SAMD8: variants seen among roughly 807,000 people sequenced by gnomAD.
SAMD8 encodes the protein sphingomyelin synthase-related protein 1.
In SAMD8, 20 loss-of-function variants were observed where a neutral mutation model predicts 42.0. That is an observed-to-expected ratio of 0.48 (90% CI 0.34 to 0.69). The LOEUF is 0.69. SAMD8 is among the 30% of genes least tolerant of loss of function. SAMD8 has a pLI of 0.01. For synonymous variants in SAMD8, 162 were observed against 173.0 expected (o/e 0.94, Z 0.50); for missense variants, 328 against 511.6 (o/e 0.64, Z 3.46).
At chr10:75,112,193 C>T (rs1030322570) in intron 1 of SAMD8, among the ~76,000 whole-genome samples, 1 of 152,116 alleles carries the variant, frequency 6.6e-6, no homozygotes, top group Non-Finnish European at 1.5e-5. Context: ...GGGTTCTCCT[C>T]TTACGGAGCC....
chr10:75,177,046 G>A lies in SAMD8; in HGVS notation c.*354G>A, dbSNP rs1279974170. The A allele has an allele frequency of 1.7e-5, 3 of 181,734 alleles. No homozygotes were observed. Among genetic ancestry groups the A allele is most frequent in the African/African-American group, 7.1e-5 (3 of 42,254 alleles). The allele number at this position is 181,734 out of a possible 1,614,324, so 11.3% of individuals were successfully genotyped here. A position where few individuals can be genotyped will look rare whatever the true frequency, so the allele number is the denominator to read the frequency against. On this transcript the variant is annotated 3_prime_UTR_variant, in exon 6 of 6. Coordinates refer to ENST00000542569, the MANE Select transcript of SAMD8 (RefSeq NM_001174156.2). ...GTTGAGGAATTTTCATTGATTTCCA[G>A]TAGGGCTCTAGTCAAGAAATAATAT... is the stretch of plus-strand genomic sequence containing the variant.
intron 3 of SAMD8, 79 bp from the exon 4 acceptor site, chr10:75,168,462 T>A (rs1840745466): frequency 2.5e-6 from 4 of 1,576,796 alleles, no homozygotes; most frequent in East Asian, 2.3e-5. Flanking sequence ...TGCTCTTCCT[T>A]GAAGTAAATA....
At chr10:75,121,575 A>G (rs1245358040) in intron 1 of SAMD8, among the ~76,000 whole-genome samples, 7 of 152,226 alleles carry the variant, frequency 4.6e-5, no homozygotes, top group East Asian at 1.9e-4. Flanking sequence ...TTAATGGGTC[A>G]TGGAACTGGA....
chr10:75,120,920 A>G (rs1490803261), intron 1 of SAMD8, among the ~76,000 whole-genome samples: 1 of 151,486 alleles, frequency 6.6e-6, no homozygotes, highest in African/African-American at 2.4e-5. Context: ...AGCTGGGACT[A>G]CTGTCGTGCA....
chr10:75,165,346 A>G (rs563146074), intron 3 of SAMD8, among the ~76,000 whole-genome samples: 1 of 150,876 alleles, frequency 6.6e-6, no homozygotes, highest in African/African-American at 2.4e-5. Context: ...AGATGGAAGA[A>G]ATTTTCTCTG....
chr10:75,160,458 G>A lies in SAMD8; in HGVS notation c.579-4187G>A, dbSNP rs571740272. Among the ~76,000 whole-genome samples the A allele has an allele frequency of 7.3e-5, 11 of 151,484 alleles. No homozygotes were observed. In the East Asian group the frequency reaches 2.1e-3, roughly 29 times the overall value. ...CCTGTCCTTGTGATCCGCCCACCTT[G>A]GCCTCCCAAAGTGCTGGGATTACAG... On this transcript the variant is annotated intron_variant, in intron 2 of 5. Transcript: ENST00000542569.
chr10:75,106,510 T>A (rs1848520203), intron 1 of SAMD8, among the ~76,000 whole-genome samples: 1 of 152,208 alleles, frequency 6.6e-6, no homozygotes, highest in Non-Finnish European at 1.5e-5. Flanking sequence ...AAAGTATTGC[T>A]TGAATCACAA....
At chr10:75,157,449 G>C (rs890886366) in intron 2 of SAMD8, among the ~76,000 whole-genome samples, 2 of 152,198 alleles carry the variant, frequency 1.3e-5, no homozygotes, top group African/African-American at 4.8e-5. Context: ...CCCTTGGGCT[G>C]TTCCTTCATA....
chr10:75,166,456 A>G (rs550576481), intron 3 of SAMD8, among the ~76,000 whole-genome samples: 1 of 152,132 alleles, frequency 6.6e-6, no homozygotes, highest in African/African-American at 2.4e-5. Context: ...TGGAGAGAGG[A>G]ACAAGGGTAG....
At chr10:75,116,827 T>C (rs1848892365) in intron 1 of SAMD8, among the ~76,000 whole-genome samples, 1 of 152,150 alleles carries the variant, frequency 6.6e-6, no homozygotes, top group African/African-American at 2.4e-5. Context: ...TTTATTTATT[T>C]AGAGACAGAG....
chr10:75,174,760 C>T (rs1246153067), intron 4 of SAMD8, among the ~76,000 whole-genome samples: 1 of 151,836 alleles, frequency 6.6e-6, no homozygotes, highest in African/African-American at 2.4e-5. Flanking sequence ...AAGTGACTGT[C>T]CCTCTTTTGT....
At chr10:75,115,127 A>G (rs552975489) in intron 1 of SAMD8, among the ~76,000 whole-genome samples, 55 of 152,164 alleles carry the variant, frequency 3.6e-4, no homozygotes, top group Non-Finnish European at 6.2e-4. Context: ...TCATGTATTT[A>G]TATTTGTTTA....
intron 4 of SAMD8, among the ~76,000 whole-genome samples, chr10:75,173,501 A>ATGGAGAGATAAC (rs1454669413): frequency 6.6e-6 from 1 of 152,196 alleles, no homozygotes; most frequent in Admixed American, 6.5e-5. Context: ...ATGGGAAAGG[A>ATGGAGAGATAAC]TGGAGAGATA....
chr10:75,135,624 G>A (rs1159431555), intron 1 of SAMD8, among the ~76,000 whole-genome samples: 1 of 151,950 alleles, frequency 6.6e-6, no homozygotes, highest in Non-Finnish European at 1.5e-5. Flanking sequence ...AGGAGATCGA[G>A]ACCATCCTGG....
In SAMD8 at chr10:75,181,089, A is replaced by T. The variant is rs571450513; in HGVS notation, c.*4397A>T. The T allele has an allele frequency of 2.6e-5, 4 of 152,334 alleles. No homozygotes were observed. Among genetic ancestry groups the T allele is most frequent in the African/African-American group, 9.6e-5 (4 of 41,592 alleles). The allele number at this position is 152,334 out of a possible 1,614,324, so 9.4% of individuals were successfully genotyped here. A position where few individuals can be genotyped will look rare whatever the true frequency, so the allele number is the denominator to read the frequency against. ...TAATATAGTCATTTGCCAGTACTTT[A>T]AGGTATTCAGGCATTTGAGACAAGA... On this transcript the variant is annotated 3_prime_UTR_variant, in exon 6 of 6. Transcript: ENST00000542569.
At chr10:75,158,909 AAAT>A (rs1399584166) in intron 2 of SAMD8, among the ~76,000 whole-genome samples, 1 of 152,128 alleles carries the variant, frequency 6.6e-6, no homozygotes, top group Non-Finnish European at 1.5e-5. Context: ...TCTTATTACC[AAAT>A]AATATTCCAT....
chr10:75,146,788 A>C (rs2134472342), intron 1 of SAMD8, among the ~76,000 whole-genome samples: 1 of 152,316 alleles, frequency 6.6e-6, no homozygotes, highest in South Asian at 2.1e-4. Context: ...TTTATCATTC[A>C]AAGTCTCCTG....
At chr10:75,100,661 GCTC>G (rs2134357383) in intron 1 of SAMD8, among the ~76,000 whole-genome samples, 1 of 152,290 alleles carries the variant, frequency 6.6e-6, no homozygotes, top group Admixed American at 6.5e-5. Context: ...CTGATCCCGT[GCTC>G]CTCCTCGCCC....
intron 1 of SAMD8, among the ~76,000 whole-genome samples, chr10:75,105,463 G>A (rs1360168495): frequency 1.3e-5 from 2 of 152,204 alleles, no homozygotes; most frequent in Non-Finnish European, 2.9e-5. Flanking sequence ...CCTAGGCCAG[G>A]CCCTTGGGTG....
Sources: allele counts gnomAD v4.1 joint callset (sites outside exome capture counted in the v4.1 genomes callset), GRCh38; gene constraint gnomAD v4.1.1; transcripts MANE v1.5; gene names NCBI Gene and HGNC (gene_info 2026-07-23, HGNC 2026-07-21).